The following SLIT3 variants were observed in gnomAD, a reference collection of about 807,000 sequenced individuals.
The protein encoded by SLIT3 is slit homolog 3 protein.
In SLIT3, 68 loss-of-function variants were observed where a neutral mutation model predicts 184.0. The ratio of observed to expected loss-of-function variants is 0.37; its 90% CI spans 0.30 to 0.45. SLIT3 has a LOEUF of 0.45. SLIT3 is among the 20% of genes least tolerant of loss of function. The probability of loss-of-function intolerance (pLI) is 1.00; values close to 1 mark genes in which losing one functional copy is unlikely to be tolerated. For missense variants in SLIT3, 1,707 were observed against 2,026.0 expected (o/e 0.84, Z 3.02); for synonymous variants, 831 against 828.6 (o/e 1.00, Z -0.05).
chr5:169,070,404 T>G (rs146425391), intron 4 of SLIT3, among the ~76,000 whole-genome samples: 2 of 152,160 alleles, frequency 1.3e-5, no homozygotes, highest in African/African-American at 4.8e-5. Context: ...ACACTCTGTA[T>G]TGGGTAGAAT....
intron 4 of SLIT3, among the ~76,000 whole-genome samples, chr5:168,913,498 T>C (rs1247762726): frequency 1.3e-5 from 2 of 152,142 alleles, no homozygotes; most frequent in African/African-American, 4.8e-5. Context: ...CTGGGCATAG[T>C]GGCTCATGCC....
At chr5:168,916,129 C>A (rs1761427180) in intron 4 of SLIT3, among the ~76,000 whole-genome samples, 1 of 152,210 alleles carries the variant, frequency 6.6e-6, no homozygotes, top group Non-Finnish European at 1.5e-5. Context: ...ACCACCACCA[C>A]CACACAAATA....
intron 3 of SLIT3, among the ~76,000 whole-genome samples, chr5:169,216,195 C>T (rs764565363): frequency 2.0e-5 from 3 of 152,180 alleles, no homozygotes; most frequent in Non-Finnish European, 4.4e-5. Context: ...TCAGCTCACA[C>T]ACTGTGCCAC....
At chr5:169,237,510 T>C (rs1363546519) in intron 3 of SLIT3, among the ~76,000 whole-genome samples, 1 of 152,188 alleles carries the variant, frequency 6.6e-6, no homozygotes, top group Non-Finnish European at 1.5e-5. Flanking sequence ...GGTTGTACCA[T>C]TTTGTATTAC....
In SLIT3 at chr5:168,923,489, T is replaced by G. The variant is rs151182599; in HGVS notation, c.414-40153A>C. Among the ~76,000 whole-genome samples the G allele has an allele frequency of 7.5e-3, 1,137 of 151,808 alleles. 12 individuals carry two copies. Among genetic ancestry groups the G allele is most frequent in the African/African-American group, 0.026 (1,059 of 41,370 alleles). On this transcript the variant is annotated intron_variant, in intron 4 of 35. Transcript: ENST00000519560. ...ACAGGGCTCTTCACAAACATAAATA[T>G]GATTAGGTAACCCCCTTCCTAAATA...
chr5:168,763,930 T>C (rs1046337374), intron 14 of SLIT3, among the ~76,000 whole-genome samples: 5 of 152,220 alleles, frequency 3.3e-5, no homozygotes, highest in Non-Finnish European at 5.9e-5. Context: ...ACATTATTTG[T>C]TTGCTCCACT....
chr5:168,789,894 T>C, intron 10 of SLIT3: 1 of 426,710 alleles, frequency 2.3e-6, no homozygotes, highest in Non-Finnish European at 4.2e-6. Flanking sequence ...GACACGAGGC[T>C]GTGAACACGT....
chr5:168,788,274 C>G (rs1034393408), intron 11 of SLIT3, among the ~76,000 whole-genome samples: 1 of 152,134 alleles, frequency 6.6e-6, no homozygotes, highest in African/African-American at 2.4e-5. Flanking sequence ...TTTGATATCC[C>G]AGCCAGATGT....
chr5:168,874,576 T>C lies in SLIT3; in HGVS notation c.485+8689A>G, dbSNP rs1159712025. 3.3e-5 allele frequency among the ~76,000 whole-genome samples: 5 copies of C among 152,142 alleles called. No individual in the cohort carries two copies. In the East Asian group the frequency reaches 9.6e-4, roughly 29 times the overall value. On this transcript the variant is annotated intron_variant, in intron 5 of 35. Transcript: ENST00000519560. ...ACGCAGGGAGGGGTGTTTTAGGAAA[T>C]ATGCAAAGTCTGCCAGAAGACCTGT...
chr5:169,155,515 G>C (rs1292404748), intron 4 of SLIT3, among the ~76,000 whole-genome samples: 1 of 152,162 alleles, frequency 6.6e-6, no homozygotes, highest in Non-Finnish European at 1.5e-5. Flanking sequence ...CAAATATAAA[G>C]AGATCTCAAT....
chr5:168,958,798 C>T (rs938681956), intron 4 of SLIT3, among the ~76,000 whole-genome samples: 7 of 152,236 alleles, frequency 4.6e-5, no homozygotes, highest in African/African-American at 1.7e-4. Context: ...TGTGTACCGA[C>T]ATTCTTTTCT....
rs139243438 is a variant in SLIT3, at chr5:168,951,707, T to C, written c.414-68371A>G. Among the ~76,000 whole-genome samples, 1,141 of 152,298 alleles carry C rather than the reference T, an allele frequency of 7.5e-3. 12 individuals are homozygous for C. Among genetic ancestry groups the C allele is most frequent in the African/African-American group, 0.026 (1,064 of 41,572 alleles). ...AAATCCAAGAAATGAGCTCCTGCCC[T>C]ACTCCTTCTAGAAGGGAACCCTCTT... On this transcript the variant is annotated intron_variant, in intron 4 of 35. Transcript: ENST00000519560.
At chr5:168,909,765 C>T (rs954042288) in intron 4 of SLIT3, among the ~76,000 whole-genome samples, 4 of 152,184 alleles carry the variant, frequency 2.6e-5, no homozygotes, top group African/African-American at 9.7e-5. Context: ...CTCCTCCTGG[C>T]AGCAAACCTG....
intron 4 of SLIT3, among the ~76,000 whole-genome samples, chr5:169,023,116 C>T (rs540793156): frequency 2.0e-5 from 3 of 152,140 alleles, no homozygotes; most frequent in African/African-American, 4.8e-5. Context: ...GTTATTATTA[C>T]ACCAGCCATA....
intron 4 of SLIT3, among the ~76,000 whole-genome samples, chr5:169,172,711 CACA>C (rs1282811141): frequency 6.6e-6 from 1 of 152,184 alleles, no homozygotes; most frequent in Non-Finnish European, 1.5e-5. Flanking sequence ...GCTCTTACAG[CACA>C]ACTTCCCATT....
chr5:168,879,628 C>T lies in SLIT3; in HGVS notation c.485+3637G>A, dbSNP rs72827691. Among the ~76,000 whole-genome samples, 1,222 of 152,226 alleles carry T rather than the reference C, an allele frequency of 8.0e-3. 4 individuals carry two copies. Among genetic ancestry groups the T allele is most frequent in the Non-Finnish European group, 0.013 (852 of 68,024 alleles). On this transcript the variant is annotated intron_variant, in intron 5 of 35. Transcript: ENST00000519560. ...TAGTCTGACTCCCTCTTATTAAAAC[C>T]AAGGAAGCTGAGGACCAGAGACATA...
intron 26 of SLIT3, among the ~76,000 whole-genome samples, chr5:168,703,687 C>G (rs113309633): frequency 0.019 from 2,949 of 152,152 alleles, 97 homozygotes; most frequent in African/African-American, 0.067. Context: ...GGCGCAGTGC[C>G]TCACGCCTAT....
Position 169,093,528 on chromosome 5 carries a change from C to G in SLIT3, c.413+99951G>C, listed in dbSNP as rs532690151. On this transcript the variant is annotated intron_variant, in intron 4 of 35. Transcript: ENST00000519560. ...CCCAGGTCTGGCTTGTGCTGAGGGTCGAGTTGATCATTCCTGAAAATGTTC... is the reference window on the plus strand; with the variant it reads ...CCCAGGTCTGGCTTGTGCTGAGGGTGGAGTTGATCATTCCTGAAAATGTTC... Among the ~76,000 whole-genome samples the G allele has an allele frequency of 7.9e-5, 12 of 152,244 alleles. No individual in the cohort carries two copies. In the South Asian group the frequency reaches 2.5e-3, roughly 32 times the overall value.
At chr5:168,828,942 G>C (rs1481234244) in intron 6 of SLIT3, among the ~76,000 whole-genome samples, 2 of 152,172 alleles carry the variant, frequency 1.3e-5, no homozygotes, top group East Asian at 3.9e-4. Flanking sequence ...CCTCTTCTGG[G>C]GCAGGCGTGG....
Sources: gnomAD v4.1 joint callset for allele counts (sites outside exome capture counted in the v4.1 genomes callset) on GRCh38, gnomAD v4.1.1 for gene constraint, MANE v1.5 for transcripts, NCBI Gene and HGNC (gene_info 2026-07-23, HGNC 2026-07-21) for gene names.